CHN2: variants seen among roughly 807,000 people sequenced by gnomAD.
The protein encoded by CHN2 is beta-chimaerin.
In CHN2, 35 loss-of-function variants were observed where a neutral mutation model predicts 56.3. That is an observed-to-expected ratio of 0.62 (90% CI 0.47 to 0.82). CHN2 has a LOEUF of 0.82. Among genes scored for constraint, CHN2 ranks in the 40% least tolerant of loss-of-function variants. CHN2 has a pLI of 0.00. For missense variants in CHN2, 491 were observed against 580.5 expected (o/e 0.85, Z 1.58); for synonymous variants, 210 against 212.8 (o/e 0.99, Z 0.12).
chr7:29,231,076 G>T (rs1786663166), intron 1 of CHN2, among the ~76,000 whole-genome samples: 1 of 152,150 alleles, frequency 6.6e-6, no homozygotes, highest in Admixed American at 6.5e-5. Flanking sequence ...GCATTGTGAT[G>T]AGCCTGGCGG....
At chr7:29,168,023 T>C (rs757862267) in intron 2 of CHN2, among the ~76,000 whole-genome samples, 4 of 152,226 alleles carry the variant, frequency 2.6e-5, no homozygotes, top group Admixed American at 6.5e-5. Flanking sequence ...TGACCTAAAC[T>C]GGACATTTGT....
exon 1 of CHN2, chr7:29,146,728 C>T (rs1404327050): frequency 3.2e-6 from 5 of 1,550,524 alleles, no homozygotes; most frequent in Middle Eastern, 1.7e-4. Flanking sequence ...TGAAGAGCAT[C>T]GGCGGGGTGC....
chr7:29,190,125 G>A (rs1351610168), upstream of CHN2, among the ~76,000 whole-genome samples: 1 of 152,188 alleles, frequency 6.6e-6, no homozygotes, highest in African/African-American at 2.4e-5. Context: ...GAGCCAATGC[G>A]TTCTCTTTCT....
rs138706407 is a variant in CHN2, at chr7:29,391,883, A to T, written c.145-1796A>T. On this transcript the variant is annotated intron_variant, in intron 3 of 12. Coordinates refer to ENST00000222792, the MANE Select transcript of CHN2 (RefSeq NM_004067.4). Reference sequence around the variant, plus strand: ...GAAAGCAATTTGTTGTCTTGTTAAGAATCAATTAAATTCAGCATCTATTAA... The same window carrying T: ...GAAAGCAATTTGTTGTCTTGTTAAGTATCAATTAAATTCAGCATCTATTAA... 8.5e-5 allele frequency among the ~76,000 whole-genome samples: 13 copies of T among 152,342 alleles called. No homozygotes were observed. In the East Asian group the frequency reaches 2.5e-3, roughly 29 times the overall value.
chr7:29,496,140 G>C, intron 8 of CHN2, 104 bp downstream of exon 8: 1 of 898,940 alleles, frequency 1.1e-6, no homozygotes, highest in Non-Finnish European at 1.7e-6. Context: ...TAGCTCAAAA[G>C]TCTAGCCTTC....
At chr7:29,269,446 C>A (rs1054838757) in intron 1 of CHN2, among the ~76,000 whole-genome samples, 97 of 152,290 alleles carry the variant, frequency 6.4e-4, no homozygotes, top group African/African-American at 2.2e-3. Flanking sequence ...TTTATCCATG[C>A]ACCTGTTGAT....
intron 6 of CHN2, among the ~76,000 whole-genome samples, chr7:29,447,174 A>T (rs1011479278): frequency 5.3e-5 from 8 of 152,200 alleles, no homozygotes; most frequent in African/African-American, 1.9e-4. Flanking sequence ...ACTAACAGAG[A>T]TGCTACAATG....
intron 7 of CHN2, among the ~76,000 whole-genome samples, chr7:29,486,381 A>G (rs1787997958): frequency 6.6e-6 from 1 of 152,168 alleles, no homozygotes; most frequent in South Asian, 2.1e-4. Flanking sequence ...TCATTGTACT[A>G]GAGTCCTTCC....
At chr7:29,164,156 C>A (rs1376233822) in intron 2 of CHN2, among the ~76,000 whole-genome samples, 1 of 152,302 alleles carries the variant, frequency 6.6e-6, no homozygotes, top group Middle Eastern at 3.4e-3. Flanking sequence ...CCATATCCTT[C>A]CCAACACTTA....
At chr7:29,333,752 C>G (rs1796390323) in intron 1 of CHN2, among the ~76,000 whole-genome samples, 1 of 152,146 alleles carries the variant, frequency 6.6e-6, no homozygotes, top group Admixed American at 6.5e-5. Flanking sequence ...AATTTATGCT[C>G]CACCCTCACC....
Position 29,367,920 on chromosome 7 carries a change from C to T in CHN2, c.89-12C>T, listed in dbSNP as rs78081532. 5.7e-3 allele frequency: 9,072 copies of T among 1,590,220 alleles called. 391 individuals are homozygous for T. In the African/African-American group the frequency reaches 0.1, roughly 18 times the overall value. ...TAATTATTTCTCTCTCTCTCTCTCT[C>T]TTTTTTGGCAGTATATCAGTTACAG... On this transcript the variant is annotated splice_polypyrimidine_tract_variant and intron_variant, in intron 2 of 12. Coordinates refer to ENST00000222792, the MANE Select transcript of CHN2 (RefSeq NM_004067.4).
At chr7:29,258,604 C>G (rs1424868225) in intron 1 of CHN2, among the ~76,000 whole-genome samples, 1 of 152,204 alleles carries the variant, frequency 6.6e-6, no homozygotes, top group Non-Finnish European at 1.5e-5. Flanking sequence ...TAATTTGACA[C>G]TTCTGAGTAG....
intron 1 of CHN2, among the ~76,000 whole-genome samples, chr7:29,305,324 TTACG>T (rs1794054557): frequency 6.6e-6 from 1 of 152,128 alleles, no homozygotes; most frequent in Non-Finnish European, 1.5e-5. Flanking sequence ...GGCAACCCCA[TTACG>T]TATGAATAAA....
At chr7:29,241,253 A>T (rs1298715185) in intron 1 of CHN2, among the ~76,000 whole-genome samples, 2 of 152,136 alleles carry the variant, frequency 1.3e-5, no homozygotes, top group Non-Finnish European at 2.9e-5. Context: ...TCAGGCTCGC[A>T]GACAATTTGA....
chr7:29,422,292 G>C (rs1375734927), intron 6 of CHN2, among the ~76,000 whole-genome samples: 1 of 152,186 alleles, frequency 6.6e-6, no homozygotes, highest in Non-Finnish European at 1.5e-5. Context: ...CCCTTTGAGT[G>C]ACCTGATGGA....
chr7:29,498,563 T>G (rs1789551047), intron 8 of CHN2, among the ~76,000 whole-genome samples: 1 of 152,190 alleles, frequency 6.6e-6, no homozygotes, highest in East Asian at 1.9e-4. Context: ...CCTCTCAAGT[T>G]CTTGGTGTGC....
chr7:29,407,673 G>T (rs563425358), intron 6 of CHN2, among the ~76,000 whole-genome samples: 14 of 152,224 alleles, frequency 9.2e-5, no homozygotes, highest in Non-Finnish European at 1.9e-4. Context: ...CCGACTTGCT[G>T]CCCTTGCACG....
intron 6 of CHN2, among the ~76,000 whole-genome samples, chr7:29,476,145 A>G (rs532156219): frequency 1.2e-4 from 19 of 152,324 alleles, no homozygotes; most frequent in African/African-American, 4.6e-4. Flanking sequence ...GCCATGGGCA[A>G]GTCACTTAAA....
At chr7:29,375,009 T>G (rs1799941787) in intron 3 of CHN2, among the ~76,000 whole-genome samples, 1 of 150,740 alleles carries the variant, frequency 6.6e-6, no homozygotes, top group African/African-American at 2.4e-5. Context: ...TGCCTCAGCC[T>G]CCCTAGTAGC....
Sources: gnomAD v4.1 joint callset for allele counts (sites outside exome capture counted in the v4.1 genomes callset) on GRCh38, gnomAD v4.1.1 for gene constraint, MANE v1.5 for transcripts, NCBI Gene and HGNC (gene_info 2026-07-23, HGNC 2026-07-21) for gene names.